NRK: variants seen among roughly 807,000 people sequenced by gnomAD.
NRK encodes nik-related protein kinase.
In NRK, 67 loss-of-function variants were observed where a neutral mutation model predicts 125.2. The ratio of observed to expected loss-of-function variants is 0.54; its 90% CI spans 0.44 to 0.66. The LOEUF (loss-of-function observed/expected upper bound fraction) is 0.66, where lower values mean the gene tolerates loss of function less well. NRK is among the 30% of genes least tolerant of loss of function. NRK has a pLI of 0.00. For synonymous variants in NRK, 458 were observed against 429.0 expected, an observed-to-expected ratio of 1.07 and a Z score of -0.84; for missense variants, 1,224 against 1,192.9, an observed-to-expected ratio of 1.03 and a Z score of -0.38.
intron 2 of NRK, among the ~76,000 whole-genome samples, chrX:105,843,803 A>T (rs1422299147): frequency 9.0e-6 from 1 of 110,873 alleles, no homozygotes; most frequent in Non-Finnish European, 1.9e-5. Context: ...AACACATATA[A>T]ATAAGAGCCT....
At chrX:105,950,413 G>C (rs1284710112) in intron 27 of NRK, among the ~76,000 whole-genome samples, 1 of 110,512 alleles carries the variant, frequency 9.0e-6, no homozygotes, top group African/African-American at 3.3e-5. Flanking sequence ...ATTCTAGATA[G>C]GGAACATAAT....
rs189718456 is a variant in NRK, at chrX:105,921,892, C to A, written c.2513-72C>A. ...AAAGAAAAAAAACCAAGGGATTTAACTGATACACTATACATATGAAGGCAA... is the reference window on the plus strand; with the variant it reads ...AAAGAAAAAAAACCAAGGGATTTAAATGATACACTATACATATGAAGGCAA... On this transcript the variant is annotated intron_variant, in intron 16 of 28. Transcript: ENST00000243300. 668 of 444,687 alleles carry A rather than the reference C, an allele frequency of 1.5e-3. 1 individual carries two copies. Among genetic ancestry groups the A allele is most frequent in the Non-Finnish European group, 2.4e-3 (602 of 255,838 alleles). The allele number at this position is 444,687 out of a possible 1,213,427, so 36.6% of individuals were successfully genotyped here.
chrX:105,845,735 T>C (rs909647021), intron 2 of NRK, among the ~76,000 whole-genome samples: 1 of 111,498 alleles, frequency 9.0e-6, no homozygotes, highest in African/African-American at 3.3e-5. Flanking sequence ...TCAGCCTATC[T>C]AAGAAGCTGC....
At chrX:105,911,348 G>A (rs2040298762) in intron 13 of NRK, among the ~76,000 whole-genome samples, 1 of 111,665 alleles carries the variant, frequency 9.0e-6, no homozygotes, top group Admixed American at 9.5e-5. Context: ...GATAAGGTTA[G>A]GGGAGCAGTT....
intron 2 of NRK, among the ~76,000 whole-genome samples, chrX:105,858,398 A>C (rs866968870): frequency 1.1e-5 from 1 of 90,022 alleles, no homozygotes; most frequent in Admixed American, 1.1e-4. Flanking sequence ...TTTTTTTTTT[A>C]CTTTTTTCTA....
intron 2 of NRK, among the ~76,000 whole-genome samples, chrX:105,863,321 G>C (rs868753817): frequency 1.7e-5 from 1 of 60,453 alleles, no homozygotes; most frequent in African/African-American, 7.3e-5. Flanking sequence ...AATAGTAACA[G>C]ACACACACAC....
At chrX:105,826,703 T>C in intron 1 of NRK, among the ~76,000 whole-genome samples, 2 of 109,902 alleles carry the variant, frequency 1.8e-5, no homozygotes, top group Non-Finnish European at 3.8e-5. Flanking sequence ...AACTGCCAGC[T>C]CTACCCAGAC....
chrX:105,844,896 A>T (rs2039381508), intron 2 of NRK, among the ~76,000 whole-genome samples: 1 of 112,001 alleles, frequency 8.9e-6, no homozygotes, highest in Non-Finnish European at 1.9e-5. Flanking sequence ...CAGCTGGTGT[A>T]TATAGTAATG....
Position 105,924,968 on chromosome X carries a change from C to T in NRK, c.3249C>T (p.Cys1083=). The part of the protein sequence containing the change: ...GALGLNGEEN[C]SETDGPGLKR... ...TTGGACTCAATGGAGAAGAAAATTG[C>T]TCAGAGACAGATGGTCCAGGATTGA... The change falls in exon 19 of 29, where the codon TGC becomes TGT. Residue 1083 remains cysteine (C), a synonymous_variant. Transcript: ENST00000243300. 8.3e-7 allele frequency: 1 copy of T among 1,211,153 alleles called. No homozygotes were observed. Among genetic ancestry groups the T allele is most frequent in the Non-Finnish European group, 1.1e-6 (1 of 894,958 alleles).
Position 105,895,516 on chromosome X carries a change from A to T in NRK, c.573A>T (p.Val191=), listed in dbSNP as rs373870974. Residue 191 remains valine (V), a synonymous_variant, in exon 7 of 29, where the codon GTA becomes GTT. Transcript: ENST00000243300. ...QNVLLTHNAE[V]KLVDFGVSAQ... ...TGCTGCTGACTCATAATGCTGAAGT[A>T]AAACTGGGTAAGTTTATTCTTATAG... The T allele has an allele frequency of 2.2e-5, 25 of 1,154,513 alleles. No homozygotes were observed. In the African/African-American group the frequency reaches 3.6e-4, roughly 16 times the overall value.
intron 23 of NRK, 133 bp from the exon 24 acceptor site, chrX:105,943,808 C>T (rs1018218406): frequency 9.7e-6 from 4 of 410,897 alleles, no homozygotes; most frequent in African/African-American, 7.7e-5. Flanking sequence ...CAAATTGTAA[C>T]CAAGTAGCTT....
At chrX:105,862,012 G>A (rs992001551) in intron 2 of NRK, among the ~76,000 whole-genome samples, 3 of 111,968 alleles carry the variant, frequency 2.7e-5, no homozygotes, top group Non-Finnish European at 1.9e-5. Flanking sequence ...GCAGTGAGCC[G>A]AGATTGCGCC....
At chrX:105,823,619 T>C (rs2147625768) in intron 1 of NRK, among the ~76,000 whole-genome samples, 1 of 110,934 alleles carries the variant, frequency 9.0e-6, no homozygotes, top group African/African-American at 3.3e-5. Flanking sequence ...GCTCATCTTT[T>C]CCCGAATGCC....
At chrX:105,833,178 A>T (rs2039217078) in intron 2 of NRK, among the ~76,000 whole-genome samples, 1 of 111,775 alleles carries the variant, frequency 8.9e-6, no homozygotes, top group Non-Finnish European at 1.9e-5. Context: ...TTCATGACCA[A>T]ATGTTTTCAA....
intron 5 of NRK, among the ~76,000 whole-genome samples, chrX:105,891,354 T>C (rs2040014300): frequency 8.9e-6 from 1 of 112,114 alleles, no homozygotes. Flanking sequence ...CAAGGATGTC[T>C]TTATTAAAAA....
chrX:105,834,258 T>C (rs933765117), intron 2 of NRK, among the ~76,000 whole-genome samples: 1 of 111,942 alleles, frequency 8.9e-6, no homozygotes, highest in African/African-American at 3.2e-5. Context: ...AAAATGTGGA[T>C]TGAGAGTTAT....
At chrX:105,937,369 A>C in intron 21 of NRK, 70 bp from the exon 22 acceptor site, 1 of 542,478 alleles carries the variant, frequency 1.8e-6, no homozygotes, top group East Asian at 3.8e-5. Flanking sequence ...CTGGAATAGC[A>C]AAAATAGTAA....
intron 2 of NRK, among the ~76,000 whole-genome samples, chrX:105,845,817 G>A (rs997814729): frequency 8.9e-6 from 1 of 111,821 alleles, no homozygotes; most frequent in Non-Finnish European, 1.9e-5. Context: ...TCTGGCAAAT[G>A]TTTTGTAGTG....
chrX:105,878,601 C>A (rs911451789), intron 2 of NRK, among the ~76,000 whole-genome samples: 1 of 111,676 alleles, frequency 9.0e-6, no homozygotes, highest in African/African-American at 3.3e-5. Flanking sequence ...TCTGATTTTG[C>A]CTTTGCATTT....
Sources: allele counts gnomAD v4.1 joint callset (sites outside exome capture counted in the v4.1 genomes callset), GRCh38; gene constraint gnomAD v4.1.1; transcripts MANE v1.5; gene names NCBI Gene and HGNC (gene_info 2026-07-23, HGNC 2026-07-21).